Variants in TMPRSS15 observed in about 807,000 individuals in gnomAD.
The protein encoded by TMPRSS15 is enteropeptidase.
A neutral mutation model predicts 125.3 loss-of-function variants in TMPRSS15; 128 were observed. The observed-to-expected ratio is 1.02, with a 90% CI of 0.89 to 1.18. TMPRSS15 has a LOEUF of 1.18. TMPRSS15 is among the 50% of genes most tolerant of loss of function. The probability of loss-of-function intolerance (pLI) is 0.00; values close to 1 mark genes in which losing one functional copy is unlikely to be tolerated. For synonymous variants in TMPRSS15, 446 were observed against 423.2 expected (o/e 1.05, Z -0.66); for missense variants, 1,283 against 1,212.7 (o/e 1.06, Z -0.86).
intron 1 of TMPRSS15, among the ~76,000 whole-genome samples, chr21:18,452,588 C>T (rs572153458): frequency 3.6e-4 from 55 of 152,128 alleles, no homozygotes; most frequent in Non-Finnish European, 6.8e-4. Flanking sequence ...ATCACCGGAG[C>T]CCTGGATGGG....
At chr21:18,341,681 G>A (rs1315305370) in intron 12 of TMPRSS15, 133 bp from the exon 13 acceptor site, 33 of 966,740 alleles carry the variant, frequency 3.4e-5, no homozygotes, top group East Asian at 7.4e-5. Flanking sequence ...TATGGTGACC[G>A]TTACTACATA....
At chr21:18,359,179 T>C (rs1159296460) in intron 8 of TMPRSS15, among the ~76,000 whole-genome samples, 1 of 152,010 alleles carries the variant, frequency 6.6e-6, no homozygotes, top group Non-Finnish European at 1.5e-5. Flanking sequence ...AGAAACATAT[T>C]ACTAGGGCAT....
chr21:18,381,123 G>A (rs1054775649), intron 4 of TMPRSS15, among the ~76,000 whole-genome samples: 1 of 152,092 alleles, frequency 6.6e-6, no homozygotes, highest in Admixed American at 6.6e-5. Flanking sequence ...AAGATATAAA[G>A]GAAATCAAAG....
intron 1 of TMPRSS15, among the ~76,000 whole-genome samples, chr21:18,475,496 G>T (rs1000700878): frequency 6.6e-6 from 1 of 152,092 alleles, no homozygotes; most frequent in South Asian, 2.1e-4. Flanking sequence ...GTAGTCCGAG[G>T]TGGGAGGATC....
chr21:18,425,864 T>G (rs1258819871), intron 1 of TMPRSS15, among the ~76,000 whole-genome samples: 1 of 152,124 alleles, frequency 6.6e-6, no homozygotes, highest in Non-Finnish European at 1.5e-5. Flanking sequence ...AAAAAACCCT[T>G]AATAACCTAA....
rs753997878 is a variant in TMPRSS15 at position 18,281,040 on chromosome 21, CTGTG to C, written c.2664_2667del (p.Tyr888Ter). 2 of 1,606,654 alleles carry C rather than the reference CTGTG, an allele frequency of 1.2e-6. No individual in the cohort carries two copies. Among genetic ancestry groups the C allele is most frequent in the African/African-American group, 2.7e-5 (2 of 73,632 alleles). ...ACTAAGAGTGATTTTTTTTTTTTACCTGTGTAATTCACTTTAAATTCCAGATGCA... is the reference window on the plus strand; with the variant it reads ...ACTAAGAGTGATTTTTTTTTTTTACCTAATTCACTTTAAATTCCAGATGCA... On this transcript the variant is annotated frameshift_variant and splice_region_variant, in exon 22 of 25. Coordinates refer to ENST00000284885, the MANE Select transcript of TMPRSS15 (RefSeq NM_002772.3). LOFTEE classifies it high-confidence loss of function.
intron 1 of TMPRSS15, among the ~76,000 whole-genome samples, chr21:18,459,615 C>A (rs1978513615): frequency 6.6e-6 from 1 of 152,106 alleles, no homozygotes; most frequent in African/African-American, 2.4e-5. Flanking sequence ...AAAGCAAATG[C>A]ATATGTCTAA....
intron 1 of TMPRSS15, among the ~76,000 whole-genome samples, chr21:18,427,845 C>T (rs529923363): frequency 0.012 from 6 of 500 alleles, no homozygotes; most frequent in African/African-American, 0.042. Context: ...ACATTTGAAG[C>T]TTTGATAAGT....
chr21:18,372,003 ATAT>A (rs956772474), intron 6 of TMPRSS15, among the ~76,000 whole-genome samples, 187 bp downstream of exon 6: 1 of 151,894 alleles, frequency 6.6e-6, no homozygotes, highest in Non-Finnish European at 1.5e-5. Context: ...GTTTAGGAAA[ATAT>A]TAATAAAATT....
intron 1 of TMPRSS15, among the ~76,000 whole-genome samples, chr21:18,447,700 C>T (rs1447532072): frequency 6.6e-6 from 1 of 152,068 alleles, no homozygotes; most frequent in Non-Finnish European, 1.5e-5. Flanking sequence ...CTCCTTCATT[C>T]TGCACTTGTC....
At chr21:18,291,980 A>AT (rs1473169177) in intron 21 of TMPRSS15, among the ~76,000 whole-genome samples, 10 of 152,192 alleles carry the variant, frequency 6.6e-5, no homozygotes, top group Non-Finnish European at 1.2e-4. Context: ...AACAAGACAC[A>AT]TTCCTTGCTG....
chr21:18,390,092 G>A (rs1190164295), intron 3 of TMPRSS15, among the ~76,000 whole-genome samples: 1 of 151,966 alleles, frequency 6.6e-6, no homozygotes, highest in East Asian at 1.9e-4. Context: ...ATCTTTATCC[G>A]AAATGGCTTT....
chr21:18,350,314 C>T (rs2075553189), intron 10 of TMPRSS15, among the ~76,000 whole-genome samples: 1 of 152,112 alleles, frequency 6.6e-6, no homozygotes, highest in African/African-American at 2.4e-5. Context: ...ACGGGGTTGG[C>T]AATTTACATA....
chr21:18,432,716 C>G (rs923877076), intron 1 of TMPRSS15, among the ~76,000 whole-genome samples: 23 of 152,212 alleles, frequency 1.5e-4, no homozygotes, highest in African/African-American at 5.5e-4. Flanking sequence ...GCCCGGCCCA[C>G]GTAGATTTTG....
At chr21:18,364,695 G>C (rs1044282858) in intron 7 of TMPRSS15, among the ~76,000 whole-genome samples, 2 of 152,168 alleles carry the variant, frequency 1.3e-5, no homozygotes, top group African/African-American at 4.8e-5. Flanking sequence ...AGAAAGACAT[G>C]TATAGAGGCT....
intron 18 of TMPRSS15, among the ~76,000 whole-genome samples, chr21:18,302,076 T>C (rs2074979065): frequency 6.6e-6 from 1 of 152,216 alleles, no homozygotes; most frequent in Non-Finnish European, 1.5e-5. Context: ...ATAAGAATTC[T>C]TCCCTGGAGC....
chr21:18,280,582 A>AAAAAAAAAAAAC (rs2074682701), intron 22 of TMPRSS15, among the ~76,000 whole-genome samples: 3 of 138,532 alleles, frequency 2.2e-5, no homozygotes, highest in African/African-American at 1.0e-4. Flanking sequence ...TCTCAAAAAA[A>AAAAAAAAAAAAC]AAAAAAAAAA....
intron 12 of TMPRSS15, 100 bp downstream of exon 12, chr21:18,343,406 A>T (rs1301683747): frequency 1.8e-6 from 2 of 1,141,098 alleles, no homozygotes; most frequent in African/African-American, 3.1e-5. Context: ...TGACTTGATT[A>T]TCTTCAGAAA....
intron 1 of TMPRSS15, among the ~76,000 whole-genome samples, chr21:18,427,694 T>C (rs2076206217): frequency 6.6e-6 from 1 of 152,218 alleles, no homozygotes; most frequent in African/African-American, 2.4e-5. Flanking sequence ...CAAATCATTC[T>C]TCTAACCAGG....
Sources: allele counts gnomAD v4.1 joint callset (sites outside exome capture counted in the v4.1 genomes callset), GRCh38; gene constraint gnomAD v4.1.1; transcripts MANE v1.5; gene names NCBI Gene and HGNC (gene_info 2026-07-23, HGNC 2026-07-21).